The following TTI1 variants were observed in gnomAD, a reference collection of about 807,000 sequenced individuals.
TTI1 encodes the protein TELO2 interacting protein 1, also known as TELO2-interacting protein 1 homolog.
TTI1 carries 52 observed loss-of-function variants against 85.4 expected under a neutral mutation model. The observed-to-expected ratio is 0.61, with a 90% confidence interval of 0.49 to 0.77. The LOEUF is 0.77. Among genes scored for constraint, TTI1 ranks in the 30% least tolerant of loss-of-function variants. TTI1 has a pLI of 0.00. For missense variants in TTI1, 1,173 were observed against 1,296.0 expected (o/e 0.91, Z 1.46); for synonymous variants, 512 against 503.9 (o/e 1.02, Z -0.22).
intron 4 of TTI1, among the ~76,000 whole-genome samples, chr20:38,001,113 C>T (rs2073419817): frequency 2.0e-5 from 3 of 152,228 alleles, no homozygotes; most frequent in Non-Finnish European, 4.4e-5. Flanking sequence ...CAGGGAGTTC[C>T]ATGAAGACAG....
intron 3 of TTI1, among the ~76,000 whole-genome samples, chr20:38,005,130 T>G (rs1297873061): frequency 5.9e-5 from 9 of 151,600 alleles, no homozygotes; most frequent in Non-Finnish European, 1.3e-4. Flanking sequence ...TTCACCAGAA[T>G]CTCACAGTGG....
chr20:38,017,797 T>C (rs1251986971), intron 1 of TTI1, among the ~76,000 whole-genome samples: 3 of 152,136 alleles, frequency 2.0e-5, no homozygotes, highest in African/African-American at 7.2e-5. Context: ...CTGAAAACCT[T>C]AGGGGCAGAA....
chr20:37,984,769 G>C (rs887944849), intron 7 of TTI1, among the ~76,000 whole-genome samples: 1 of 152,154 alleles, frequency 6.6e-6, no homozygotes, highest in African/African-American at 2.4e-5. Context: ...CACAACATAA[G>C]CTCCCCAAGG....
Position 38,013,707 on chromosome 20 carries a change from A to G in TTI1, c.110T>C (p.Leu37Pro). ...VENVEHLQTR[L>P]QAVSDSALQE... The stretch of plus-strand genomic sequence containing the variant: ...AAGGGCACTGTCACTCACAGCTTGT[A>G]GTCGTGTCTGCAGATGCTCCACATT... The change falls in exon 2 of 8, where the codon CTA (leucine) becomes CCA (proline). Residue 37 changes from leucine (L) to proline (P), a missense_variant. Leu to Pro is a moderately conservative substitution (Grantham distance 98, BLOSUM62 -3). Transcript: ENST00000373447. 1 of 1,614,210 alleles carries G rather than the reference A, an allele frequency of 6.2e-7. No homozygotes were observed. Among genetic ancestry groups the G allele is most frequent in the Non-Finnish European group, 8.5e-7 (1 of 1,180,030 alleles).
chr20:37,996,624 C>CA, intron 6 of TTI1, 125 bp downstream of exon 6: 1 of 1,396,010 alleles, frequency 7.2e-7, no homozygotes, highest in Non-Finnish European at 9.9e-7. Flanking sequence ...CAAATGAGGC[C>CA]AAAATAAGAC....
At chr20:38,000,987 C>T (rs1412885845) in intron 4 of TTI1, among the ~76,000 whole-genome samples, 1 of 152,140 alleles carries the variant, frequency 6.6e-6, no homozygotes, top group African/African-American at 2.4e-5. Context: ...AGGTACCCAA[C>T]ACGTATCTGC....
At position 38,012,000 on chromosome 20, in the gene TTI1, G is replaced by T. The variant is rs2073600403; in HGVS notation, c.1817C>A (p.Ser606Tyr). The change falls in exon 2 of 8, where the codon TCT (serine) becomes TAT (tyrosine). Residue 606 changes from serine (S) to tyrosine (Y), a missense_variant. Ser to Tyr is a moderately radical substitution (Grantham distance 144). Transcript: ENST00000373447. ...ACTTGGCTTTGAGAAGGCTAGAAAA[G>T]ATGTAACTTGGCAGGTGTGTTCACC... Reference protein sequence around the residue: ...TSGEHTCQVTSFLAFSKPSPT... With the variant: ...TSGEHTCQVTYFLAFSKPSPT... The T allele has an allele frequency of 3.1e-6, 5 of 1,614,262 alleles. No individual in the cohort carries two copies. Among genetic ancestry groups the T allele is most frequent in the Non-Finnish European group, 4.2e-6 (5 of 1,180,054 alleles).
intron 1 of TTI1, among the ~76,000 whole-genome samples, chr20:38,029,857 C>T (rs1003500401): frequency 3.3e-5 from 5 of 152,090 alleles, no homozygotes; most frequent in African/African-American, 1.2e-4. Context: ...ACACTCAGCC[C>T]CCTGGCCCTG....
intron 4 of TTI1, among the ~76,000 whole-genome samples, chr20:38,001,658 C>A (rs2073427203): frequency 6.6e-6 from 1 of 152,132 alleles, no homozygotes; most frequent in South Asian, 2.1e-4. Context: ...TAGCCCATCA[C>A]CCCTGAGCAA....
intron 3 of TTI1, among the ~76,000 whole-genome samples, chr20:38,004,378 A>G (rs2073468799): frequency 6.6e-6 from 1 of 152,190 alleles, no homozygotes; most frequent in Non-Finnish European, 1.5e-5. Context: ...TTCCCATTTC[A>G]GTTCCCTCTG....
intron 7 of TTI1, among the ~76,000 whole-genome samples, chr20:37,995,529 G>A (rs1051248190): frequency 1.3e-5 from 2 of 152,218 alleles, no homozygotes; most frequent in Non-Finnish European, 2.9e-5. Context: ...GGCTCAGAGC[G>A]GCACAGAGTG....
At chr20:38,020,320 AAAAATATATATATAT>A (rs2073747661) in intron 1 of TTI1, among the ~76,000 whole-genome samples, 2 of 80,300 alleles carry the variant, frequency 2.5e-5, no homozygotes, top group African/African-American at 1.1e-4. Flanking sequence ...GAAAAAAAAA[AAAAATATATATATAT>A]ATATATATAT....
intron 4 of TTI1, among the ~76,000 whole-genome samples, chr20:38,001,186 G>A (rs891304250): frequency 6.6e-6 from 1 of 152,090 alleles, no homozygotes; most frequent in Non-Finnish European, 1.5e-5. Flanking sequence ...TCCTCAATAA[G>A]CATTTAGCAC....
chr20:37,996,293 T>G lies in TTI1; in HGVS notation c.3086+82A>C. On this transcript the variant is annotated intron_variant, in intron 7 of 7. Coordinates refer to ENST00000373447, the MANE Select transcript of TTI1 (RefSeq NM_001303457.2). ...AGGGTGACAGAGAAAAGAGCAGAGATGCCTCAACTCTGCTTGCCATTAGCA... is the reference window on the plus strand; with the variant it reads ...AGGGTGACAGAGAAAAGAGCAGAGAGGCCTCAACTCTGCTTGCCATTAGCA... 3 of 1,418,258 alleles carry G rather than the reference T, an allele frequency of 2.1e-6. 1 individual carries two copies. In the South Asian group the frequency reaches 3.5e-5, roughly 17 times the overall value. 87.9% of individuals were successfully genotyped at this position (1,418,258 alleles called of 1,614,324 possible).
intron 2 of TTI1, among the ~76,000 whole-genome samples, chr20:38,010,774 C>T (rs1200615218): frequency 6.6e-6 from 1 of 152,118 alleles, no homozygotes; most frequent in Non-Finnish European, 1.5e-5. Context: ...CCGCCCCCAG[C>T]CAATTTTGCC....
At chr20:38,014,872 T>C (rs1347019271) in intron 1 of TTI1, among the ~76,000 whole-genome samples, 2 of 152,092 alleles carry the variant, frequency 1.3e-5, no homozygotes, top group Non-Finnish European at 2.9e-5. Flanking sequence ...AATACTCCCT[T>C]TGGGGAAGCA....
At chr20:38,020,310 G>GAAAAAAAAAAAAAAAA (rs772839935) in intron 1 of TTI1, among the ~76,000 whole-genome samples, 2 of 48,276 alleles carry the variant, frequency 4.1e-5, no homozygotes, top group African/African-American at 2.1e-4. Context: ...CTACTCATAT[G>GAAAAAAAAAAAAAAAA]AAAAAAAAAA....
In TTI1 at chr20:38,006,351, T is replaced by C; in HGVS notation, c.2349A>G (p.Gln783=). 1 of 1,614,192 alleles carries C rather than the reference T, an allele frequency of 6.2e-7. No homozygotes were observed. Among genetic ancestry groups the C allele is most frequent in the South Asian group, 1.1e-5 (1 of 91,074 alleles). The change falls in exon 3 of 8, where the codon CAA becomes CAG. Residue 783 remains glutamine, a synonymous_variant. Transcript: ENST00000373447. ...AATGACTTCCCTCTTCTCCTAAACT[T>C]TGCTCTTGGAGGTGCCCAAGATTAC... ...DTGNLGHLQE[Q]SLGEEGSHLN...
chr20:38,025,875 C>CT (rs1449047797), intron 1 of TTI1, among the ~76,000 whole-genome samples: 1 of 152,018 alleles, frequency 6.6e-6, no homozygotes, highest in Non-Finnish European at 1.5e-5. Context: ...GAAGATGGAA[C>CT]AATAGGAATT....
Sources: allele counts gnomAD v4.1 joint callset (sites outside exome capture counted in the v4.1 genomes callset), GRCh38; gene constraint gnomAD v4.1.1; transcripts MANE v1.5; gene names NCBI Gene and HGNC (gene_info 2026-07-23, HGNC 2026-07-21).